Variants in BMP1 observed in about 807,000 individuals in gnomAD.
BMP1 encodes the protein bone morphogenetic protein 1, also known as mammalian tolloid protein.
A neutral mutation model predicts 116.8 loss-of-function variants in BMP1; 63 were observed. That is an observed-to-expected ratio of 0.54 (90% confidence interval 0.44 to 0.67). The LOEUF is 0.67. Ranked by LOEUF, BMP1 falls within the 30% of genes least tolerant of loss-of-function variation. The pLI, the probability that BMP1 is intolerant of heterozygous loss-of-function variation, is 0.00. For synonymous variants in BMP1, 536 were observed against 533.4 expected (o/e 1.00, Z -0.07); for missense variants, 1,183 against 1,358.9 (o/e 0.87, Z 2.04).
At position 22,194,530 on chromosome 8, in the gene BMP1, C is replaced by T; in HGVS notation, c.1383C>T (p.Cys461=). 6.2e-7 allele frequency: 1 copy of T among 1,614,204 alleles called. No individual in the cohort carries two copies. Among genetic ancestry groups the T allele is most frequent in the Non-Finnish European group, 8.5e-7 (1 of 1,180,036 alleles). ...ACGATTACCGGCCCAGCAAAGTCTG[C>T]ATCTGGCGGATCCAGGTGTCTGAGG... The part of the protein sequence containing the change: ...YPDDYRPSKV[C]IWRIQVSEGF... Residue 461 remains cysteine (C), a synonymous_variant, in exon 11 of 20, where the codon TGC becomes TGT. Coordinates refer to ENST00000306385, the MANE Select transcript of BMP1 (RefSeq NM_006129.5). This position sits in a 1 kb window ranked among gnomAD's most constrained non-coding sequence, Gnocchi z 4.5.
Position 22,196,735 on chromosome 8 carries a change from G to T in BMP1, c.1821G>T (p.Trp607Cys). 6.2e-7 allele frequency: 1 copy of T among 1,614,076 alleles called. No individual in the cohort carries two copies. Among genetic ancestry groups the T allele is most frequent in the Non-Finnish European group, 8.5e-7 (1 of 1,180,010 alleles). ...KLNGSITSPG[W>C]PKEYPPNKNC... ...ACGGCTCCATCACCAGCCCGGGCTGGCCCAAGGAGTACCCCCCCAACAAGA... is the reference window on the plus strand; with the variant it reads ...ACGGCTCCATCACCAGCCCGGGCTGTCCCAAGGAGTACCCCCCCAACAAGA... The change falls in exon 14 of 20, where the codon TGG becomes TGT. Residue 607 changes from tryptophan (W) to cysteine (C), a missense_variant. Around this residue, in one of 4 missense-constraint regions of BMP1, gnomAD observed 956 missense variants for 1,135.2 expected, o/e 0.84. Transcript: ENST00000306385.
At chr8:22,208,927 C>T (rs2131904227) in intron 18 of BMP1, among the ~76,000 whole-genome samples, 1 of 152,376 alleles carries the variant, frequency 6.6e-6, no homozygotes, top group South Asian at 2.1e-4. Flanking sequence ...ATGCACTGTC[C>T]TCTGCCCTTC....
rs943533461 is a variant in BMP1, at chr8:22,176,801, C to T, written c.551+151C>T. The T allele has an allele frequency of 1.8e-5, 18 of 992,162 alleles. No individual in the cohort carries two copies. The African/African-American group carries it at 2.1e-4, about 11-fold the overall frequency. 61.5% of individuals were successfully genotyped at this position (992,162 alleles called of 1,614,324 possible). ...ATCTACCCAGGAACTGCCCCCTGTG[C>T]GGCTGTGACCTCCAGCACACAGCCT... On this transcript the variant is annotated intron_variant, in intron 4 of 19. Transcript: ENST00000306385.
chr8:22,199,690 C>T (rs1325996715), intron 15 of BMP1, among the ~76,000 whole-genome samples: 1 of 152,222 alleles, frequency 6.6e-6, no homozygotes, highest in East Asian at 1.9e-4. Context: ...CCCCCCAAAG[C>T]TTCTAGCACA....
chr8:22,185,114 TC>T (rs1049889819), intron 8 of BMP1, among the ~76,000 whole-genome samples: 1 of 152,122 alleles, frequency 6.6e-6, no homozygotes, highest in African/African-American at 2.4e-5. Flanking sequence ...TGACAGTGTT[TC>T]CCCAGCAACG....
chr8:22,177,776 C>A, intron 5 of BMP1, 76 bp from the exon 6 acceptor site: 1 of 1,123,100 alleles, frequency 8.9e-7, no homozygotes. Flanking sequence ...CATTCCCTGC[C>A]CTGGAAAGTG....
chr8:22,196,623 G>A, intron 13 of BMP1, 57 bp from the exon 14 acceptor site: 1 of 1,609,588 alleles, frequency 6.2e-7, no homozygotes, highest in Non-Finnish European at 8.5e-7. Context: ...CCACATCTCA[G>A]CCCTTCCCCA....
intron 15 of BMP1, among the ~76,000 whole-genome samples, chr8:22,197,881 G>A (rs930052054): frequency 7.2e-5 from 11 of 152,134 alleles, no homozygotes; most frequent in African/African-American, 2.4e-4. Flanking sequence ...TTCACACTGG[G>A]GCCTTCAGAA....
intron 18 of BMP1, 38 bp downstream of exon 18, chr8:22,207,554 G>T (rs1405066977): frequency 6.2e-7 from 1 of 1,603,872 alleles, no homozygotes; most frequent in Admixed American, 1.7e-5. Flanking sequence ...ACTGAGCCTG[G>T]TCTCCAAGAC....
intron 12 of BMP1, 45 bp from the exon 13 acceptor site, chr8:22,195,417 C>T (rs749457583): frequency 1.9e-6 from 3 of 1,566,544 alleles, no homozygotes; most frequent in East Asian, 4.6e-5. Context: ...CAGCTTCTTC[C>T]CTTGAATGCC....
chr8:22,168,387 C>T (rs899233568), intron 1 of BMP1, among the ~76,000 whole-genome samples: 2 of 151,790 alleles, frequency 1.3e-5, no homozygotes, highest in Non-Finnish European at 2.9e-5. Context: ...CTAGCCAACA[C>T]CCCCCCGGAG....
At chr8:22,204,726 C>A (rs951838254) in intron 16 of BMP1, among the ~76,000 whole-genome samples, 7 of 139,816 alleles carry the variant, frequency 5.0e-5, no homozygotes, top group South Asian at 5.5e-4. Context: ...CTGTCCCCCC[C>A]CACCCCGCCC....
intron 2 of BMP1, among the ~76,000 whole-genome samples, chr8:22,175,921 G>T (rs758688637): frequency 6.6e-6 from 1 of 152,166 alleles, no homozygotes; most frequent in Non-Finnish European, 1.5e-5. Context: ...TTCCACCTCA[G>T]CTGGGAACAT....
chr8:22,176,897 C>T (rs1319328293), intron 4 of BMP1, 64 bp from the exon 5 acceptor site: 1 of 1,439,422 alleles, frequency 6.9e-7, no homozygotes, highest in Non-Finnish European at 9.5e-7. Flanking sequence ...AGCCTGGCCC[C>T]GCCCCTGAGT....
intron 16 of BMP1, 137 bp downstream of exon 16, chr8:22,202,065 C>T: frequency 7.8e-7 from 1 of 1,283,942 alleles, no homozygotes; most frequent in Non-Finnish European, 1.0e-6. Flanking sequence ...TTCCCCCACC[C>T]ACCTGGTACA....
intron 6 of BMP1, among the ~76,000 whole-genome samples, chr8:22,178,823 C>T (rs1828529602): frequency 6.6e-6 from 1 of 152,128 alleles, no homozygotes. Context: ...CTGGCCATTC[C>T]CAGGCCTGGT....
chr8:22,209,727 CAT>C, intron 19 of BMP1, 32 bp downstream of exon 19: 1 of 1,603,650 alleles, frequency 6.2e-7, no homozygotes, highest in Non-Finnish European at 8.5e-7. Flanking sequence ...CTCCTGGCCC[CAT>C]GCCCCACGCC....
intron 1 of BMP1, among the ~76,000 whole-genome samples, chr8:22,168,622 G>T (rs1828185730): frequency 6.6e-6 from 1 of 152,166 alleles, no homozygotes; most frequent in Admixed American, 6.5e-5. Flanking sequence ...CACCCAGGGG[G>T]ACGCCTGGCC....
intron 9 of BMP1, among the ~76,000 whole-genome samples, chr8:22,193,568 G>A (rs1054819199): frequency 5.3e-5 from 8 of 152,246 alleles, no homozygotes; most frequent in Non-Finnish European, 7.3e-5. Flanking sequence ...TGGATCACCT[G>A]AGGTCAGGAG....
Sources: allele counts gnomAD v4.1 joint callset (sites outside exome capture counted in the v4.1 genomes callset), GRCh38; gene constraint gnomAD v4.1.1; regional missense constraint gnomAD v4.1.1; non-coding constraint Gnocchi (gnomAD v3.1); transcripts MANE v1.5; gene names NCBI Gene and HGNC (gene_info 2026-07-23, HGNC 2026-07-21).